KDM4B: variants seen among roughly 807,000 people sequenced by gnomAD.
The protein encoded by KDM4B is lysine demethylase 4B.
A neutral mutation model predicts 125.2 loss-of-function variants in KDM4B; 32 were observed. The observed-to-expected ratio is 0.26, with a 90% CI of 0.19 to 0.34. KDM4B has a LOEUF of 0.34. Ranked by LOEUF, KDM4B falls within the 10% of genes least tolerant of loss-of-function variation. The probability of loss-of-function intolerance (pLI) is 1.00; values close to 1 mark genes in which losing one functional copy is unlikely to be tolerated. For synonymous variants in KDM4B, 721 were observed against 677.9 expected, an observed-to-expected ratio of 1.06 and a Z score of -0.99; for missense variants, 1,190 against 1,577.7, an observed-to-expected ratio of 0.75 and a Z score of 4.16.
intron 1 of KDM4B, among the ~76,000 whole-genome samples, chr19:4,985,903 C>T (rs537295302): frequency 3.3e-5 from 5 of 152,232 alleles, no homozygotes; most frequent in Non-Finnish European, 5.9e-5. Flanking sequence ...CCCCGGCGCC[C>T]AGCCCTCCAC....
intron 1 of KDM4B, among the ~76,000 whole-genome samples, chr19:4,988,424 C>T (rs942803687): frequency 9.2e-5 from 14 of 152,154 alleles, no homozygotes; most frequent in Non-Finnish European, 1.6e-4. Context: ...TACAGGTGCC[C>T]GCCACCACGC....
At chr19:5,034,094 A>C (rs1374181468) in intron 3 of KDM4B, among the ~76,000 whole-genome samples, 1 of 152,226 alleles carries the variant, frequency 6.6e-6, no homozygotes, top group Non-Finnish European at 1.5e-5. Context: ...AGATTGCACC[A>C]CTGCACTCCA....
In KDM4B at chr19:5,139,864, G is replaced by A. The variant is rs560870875; in HGVS notation, c.2550+1794G>A. 3.0e-3 allele frequency among the ~76,000 whole-genome samples: 462 copies of A among 152,344 alleles called. 2 individuals are homozygous for A. The highest frequency in any genetic ancestry group is 4.6e-3 in the Non-Finnish European group (311 of 68,038). On this transcript the variant is annotated intron_variant, in intron 18 of 22. Transcript: ENST00000159111. ...TGCGCGCAGCCACCTTGGGCGTAGC[G>A]GGGCCTCATCGTGGGGGCTTGTGAA...
chr19:5,079,852 C>CA (rs5826872), intron 8 of KDM4B, among the ~76,000 whole-genome samples: 78,377 of 152,082 alleles, frequency 0.52, 21,807 homozygotes, highest in East Asian at 0.94. Context: ...CAGGTGTGAG[C>CA]ACCATGCCCG....
At chr19:4,999,329 G>A (rs2035296785) in intron 1 of KDM4B, among the ~76,000 whole-genome samples, 1 of 152,094 alleles carries the variant, frequency 6.6e-6, no homozygotes, top group African/African-American at 2.4e-5. Context: ...TGGCTCCTGG[G>A]CCATTTGACA....
intron 5 of KDM4B, among the ~76,000 whole-genome samples, chr19:5,046,236 A>G (rs2037021264): frequency 6.6e-6 from 1 of 152,200 alleles, no homozygotes; most frequent in South Asian, 2.1e-4. Flanking sequence ...CTTCCTTGCC[A>G]TGTGTTTGCC....
intron 18 of KDM4B, among the ~76,000 whole-genome samples, 170 bp from the exon 19 acceptor site, chr19:5,143,797 C>G (rs887057804): frequency 1.3e-5 from 2 of 152,170 alleles, no homozygotes; most frequent in African/African-American, 4.8e-5. Flanking sequence ...AGGGCTTGGC[C>G]AGGGAGGCTG....
At chr19:5,034,837 G>C (rs1195566904) in intron 3 of KDM4B, among the ~76,000 whole-genome samples, 1 of 152,156 alleles carries the variant, frequency 6.6e-6, no homozygotes, top group East Asian at 1.9e-4. Flanking sequence ...TTTCTGTTTT[G>C]AGAGGGGGTC....
chr19:4,978,917 G>T (rs981413738), intron 1 of KDM4B, among the ~76,000 whole-genome samples: 4 of 152,188 alleles, frequency 2.6e-5, no homozygotes, highest in Non-Finnish European at 5.9e-5. Flanking sequence ...GGTCAGGGGC[G>T]CAGGGTGGCC....
At chr19:5,101,792 T>C (rs2038940811) in intron 9 of KDM4B, among the ~76,000 whole-genome samples, 1 of 152,112 alleles carries the variant, frequency 6.6e-6, no homozygotes. Flanking sequence ...CTGGGTGGGC[T>C]GTTATGGGGG....
chr19:5,005,872 T>C (rs1051770185), intron 1 of KDM4B, among the ~76,000 whole-genome samples: 11 of 152,040 alleles, frequency 7.2e-5, no homozygotes, highest in Non-Finnish European at 1.3e-4. Flanking sequence ...CTAAGTGATA[T>C]GAGGGGCAGG....
chr19:5,021,580 A>G (rs1369122370), intron 2 of KDM4B, among the ~76,000 whole-genome samples: 1 of 152,168 alleles, frequency 6.6e-6, no homozygotes, highest in African/African-American at 2.4e-5. Flanking sequence ...TTCAAAAAAT[A>G]AAATAAAAAA....
intron 8 of KDM4B, chr19:5,079,205 C>T (rs1008151139): frequency 2.0e-5 from 3 of 152,184 alleles, no homozygotes; most frequent in Admixed American, 1.3e-4. Flanking sequence ...TGCAAGAGCT[C>T]GCAGAGGAAA....
chr19:4,982,522 T>C (rs903178574), intron 1 of KDM4B, among the ~76,000 whole-genome samples: 15 of 152,132 alleles, frequency 9.9e-5, no homozygotes, highest in African/African-American at 3.6e-4. Context: ...ATTTCCTTTT[T>C]TTAAAAAAAT....
At chr19:5,031,148 C>A (rs530756188) in intron 2 of KDM4B, among the ~76,000 whole-genome samples, 1 of 152,126 alleles carries the variant, frequency 6.6e-6, no homozygotes, top group Non-Finnish European at 1.5e-5. Flanking sequence ...TGGGTGAGAG[C>A]GGGAGGGCAG....
At chr19:4,983,302 C>G (rs138603160) in intron 1 of KDM4B, among the ~76,000 whole-genome samples, 4 of 152,110 alleles carry the variant, frequency 2.6e-5, no homozygotes, top group Non-Finnish European at 4.4e-5. Flanking sequence ...GACCAGGGCC[C>G]ACGCTCCTTC....
intron 8 of KDM4B, chr19:5,079,077 C>T (rs1264223948): frequency 2.0e-5 from 3 of 152,250 alleles, no homozygotes; most frequent in Admixed American, 1.3e-4. Flanking sequence ...CCCACACTCC[C>T]CTTATAAATC....
chr19:4,983,040 G>T (rs1190232287), intron 1 of KDM4B, among the ~76,000 whole-genome samples: 2 of 151,794 alleles, frequency 1.3e-5, no homozygotes, highest in Admixed American at 6.6e-5. Flanking sequence ...ACAGTGTATT[G>T]TATTGAACCC....
intron 4 of KDM4B, 132 bp from the exon 5 acceptor site, chr19:5,041,005 C>T (rs1295544305): frequency 2.8e-5 from 16 of 566,612 alleles, no homozygotes; most frequent in Non-Finnish European, 4.2e-5. Flanking sequence ...GTACCCTAGG[C>T]GGGGCAGCGG....
Sources: gnomAD v4.1 joint callset for allele counts (sites outside exome capture counted in the v4.1 genomes callset) on GRCh38, gnomAD v4.1.1 for gene constraint, MANE v1.5 for transcripts, NCBI Gene and HGNC (gene_info 2026-07-23, HGNC 2026-07-21) for gene names.